Variants in EXD3 observed in about 807,000 individuals in gnomAD.
EXD3 encodes exonuclease mut-7 homolog.
In EXD3, 92 loss-of-function variants were observed where a neutral mutation model predicts 98.0. The ratio of observed to expected loss-of-function variants is 0.94; its 90% CI spans 0.79 to 1.12. The LOEUF (loss-of-function observed/expected upper bound fraction) is 1.12. Among genes scored for constraint, EXD3 ranks in the 50% most tolerant of loss-of-function variants. The probability of loss-of-function intolerance (pLI) is 0.00; values close to 1 mark genes in which losing one functional copy is unlikely to be tolerated. For synonymous variants in EXD3, 569 were observed against 526.0 expected (o/e 1.08, Z -1.12); for missense variants, 1,222 against 1,191.6 (o/e 1.03, Z -0.38).
Position 137,395,258 on chromosome 9 carries a change from C to T in EXD3, c.55+45G>A, listed in dbSNP as rs569850610. 3 of 1,575,678 alleles carry T rather than the reference C, an allele frequency of 1.9e-6. No homozygotes were observed. The highest frequency in any genetic ancestry group is 1.7e-5 in the Admixed American group (1 of 59,958). On this transcript the variant is annotated intron_variant, in intron 2 of 21. Coordinates refer to ENST00000340951, the MANE Select transcript of EXD3 (RefSeq NM_017820.5). The surrounding 1 kb of genome is among the most constrained non-coding windows in gnomAD (Gnocchi z 6.5). ...CCCCCATGCACACCCACGCACCTCC[C>T]CCCACAGCCCCAGGGAGACTCGGCA...
At chr9:137,377,614 A>T (rs1214063963) in intron 3 of EXD3, among the ~76,000 whole-genome samples, 8 of 131,666 alleles carry the variant, frequency 6.1e-5, no homozygotes, top group South Asian at 2.7e-4. Flanking sequence ...TCAGCTACTC[A>T]GGAGGCTGAG....
chr9:137,309,534 T>TCAGCTAC, intron 20 of EXD3, 73 bp downstream of exon 20: 2 of 1,289,750 alleles, frequency 1.6e-6, no homozygotes, highest in Non-Finnish European at 2.2e-6. Context: ...GCCAGGCCCC[T>TCAGCTAC]CTCCCTGGCT....
At chr9:137,389,158 C>T (rs1316356578) in intron 2 of EXD3, among the ~76,000 whole-genome samples, 1 of 152,198 alleles carries the variant, frequency 6.6e-6, no homozygotes, top group Non-Finnish European at 1.5e-5. Flanking sequence ...CAGATTCCAC[C>T]CACATCTGCC....
At chr9:137,383,978 C>T (rs1836456966) in intron 2 of EXD3, among the ~76,000 whole-genome samples, 1 of 152,180 alleles carries the variant, frequency 6.6e-6, no homozygotes, top group Non-Finnish European at 1.5e-5. Flanking sequence ...CGTGGCTTGG[C>T]TTGGAGGCCG....
intron 19 of EXD3, among the ~76,000 whole-genome samples, chr9:137,315,417 ACCC>A (rs1404969805): frequency 3.9e-5 from 6 of 152,050 alleles, no homozygotes; most frequent in African/African-American, 1.4e-4. Context: ...TGTGGGCCTG[ACCC>A]GCTGGCAGCT....
At chr9:137,421,796 C>T (rs1588453008) in intron 1 of EXD3, among the ~76,000 whole-genome samples, 1 of 152,186 alleles carries the variant, frequency 6.6e-6, no homozygotes, top group East Asian at 1.9e-4. Context: ...GGGAATCGTG[C>T]CTCTGCACTC....
At chr9:137,382,300 C>G (rs534500351) in intron 3 of EXD3, among the ~76,000 whole-genome samples, 2 of 151,104 alleles carry the variant, frequency 1.3e-5, no homozygotes, top group East Asian at 3.9e-4. Flanking sequence ...TGTGTATAAA[C>G]AAGCGCTGCT....
intron 1 of EXD3, among the ~76,000 whole-genome samples, chr9:137,401,400 C>G (rs1564210783): frequency 6.6e-6 from 1 of 152,142 alleles, no homozygotes; most frequent in Non-Finnish European, 1.5e-5. Flanking sequence ...TGTGATCTGC[C>G]TGCCTCGGCC....
At chr9:137,411,061 C>T (rs975728163) in intron 1 of EXD3, among the ~76,000 whole-genome samples, 14 of 152,244 alleles carry the variant, frequency 9.2e-5, no homozygotes, top group African/African-American at 3.4e-4. Context: ...GAGCAGGTGT[C>T]CAGGTGGGCA....
intron 3 of EXD3, among the ~76,000 whole-genome samples, chr9:137,382,957 G>A (rs558893642): frequency 1.3e-5 from 2 of 152,314 alleles, no homozygotes; most frequent in South Asian, 4.1e-4. Flanking sequence ...ACCTGCCCCA[G>A]TGGCCACCCG....
intron 1 of EXD3, among the ~76,000 whole-genome samples, chr9:137,420,928 T>C (rs894972259): frequency 9.2e-5 from 14 of 152,126 alleles, no homozygotes; most frequent in African/African-American, 3.4e-4. Flanking sequence ...GATCCTCCCA[T>C]TTCAGCCTCC....
intron 4 of EXD3, 146 bp downstream of exon 4, chr9:137,373,280 G>T: frequency 8.6e-7 from 1 of 1,168,106 alleles, no homozygotes; most frequent in Non-Finnish European, 1.2e-6. Flanking sequence ...CACGGGCTGA[G>T]TCTTGGCCAT....
chr9:137,398,466 C>T (rs958844444), intron 1 of EXD3, among the ~76,000 whole-genome samples: 3 of 152,224 alleles, frequency 2.0e-5, no homozygotes, highest in Admixed American at 2.0e-4. Context: ...GGGAGGAGCA[C>T]TGAGTAGCCC....
chr9:137,346,954 T>C (rs1280240601), intron 17 of EXD3, among the ~76,000 whole-genome samples: 1 of 152,130 alleles, frequency 6.6e-6, no homozygotes, highest in Admixed American at 6.6e-5. Context: ...TAGCTGGGAT[T>C]ACAGGCGCCC....
At chr9:137,316,595 G>T (rs1354714806) in intron 19 of EXD3, among the ~76,000 whole-genome samples, 3 of 152,234 alleles carry the variant, frequency 2.0e-5, no homozygotes, top group African/African-American at 7.2e-5. Flanking sequence ...CTCCAGGAGC[G>T]GTGATGGTCC....
chr9:137,357,917 G>C (rs1411063533), intron 7 of EXD3, among the ~76,000 whole-genome samples: 1 of 151,888 alleles, frequency 6.6e-6, no homozygotes. Context: ...AAAGATGTAG[G>C]CTGGGAGGGT....
intron 10 of EXD3, chr9:137,353,877 C>T (rs559061505): frequency 2.0e-5 from 20 of 988,860 alleles, no homozygotes; most frequent in Admixed American, 1.8e-4. Flanking sequence ...GCTGCTTCCC[C>T]GGCGTGGGTT....
intron 17 of EXD3, among the ~76,000 whole-genome samples, chr9:137,330,545 C>T (rs184019156): frequency 5.2e-4 from 70 of 134,658 alleles, no homozygotes; most frequent in South Asian, 2.2e-3. Context: ...ACAGGAGCTA[C>T]ACAGGAGCTA....
At position 137,316,966 on chromosome 9, in the gene EXD3, A is replaced by G. The variant is rs992144216; in HGVS notation, c.2184+6759T>C. Among the ~76,000 whole-genome samples the G allele has an allele frequency of 2.0e-5, 3 of 151,834 alleles. No individual in the cohort carries two copies. In the South Asian group the frequency reaches 6.2e-4, roughly 32 times the overall value. On this transcript the variant is annotated intron_variant, in intron 19 of 21. Coordinates refer to ENST00000340951, the MANE Select transcript of EXD3 (RefSeq NM_017820.5). The stretch of plus-strand genomic sequence containing the variant: ...AGAGGAGTTGGGGAGCTGGGCAGGG[A>G]CCTCTTCTCCTCTCCCCACTTCAGC...
Sources: gnomAD v4.1 joint callset for allele counts (sites outside exome capture counted in the v4.1 genomes callset) on GRCh38, gnomAD v4.1.1 for gene constraint, Gnocchi (gnomAD v3.1) non-coding constraint, MANE v1.5 for transcripts, NCBI Gene and HGNC (gene_info 2026-07-23, HGNC 2026-07-21) for gene names.